TRPC4: variants seen among roughly 807,000 people sequenced by gnomAD.
TRPC4 encodes transient receptor potential cation channel subfamily C member 4, also known as short transient receptor potential channel 4.
In TRPC4, 49 loss-of-function variants were observed where a neutral mutation model predicts 99.4. The ratio of observed to expected loss-of-function variants is 0.49; its 90% CI spans 0.39 to 0.63. The LOEUF is 0.63. Ranked by LOEUF, TRPC4 falls within the 20% of genes least tolerant of loss-of-function variation. The pLI is 0.00. For synonymous variants in TRPC4, 454 were observed against 425.9 expected (o/e 1.07, Z -0.81); for missense variants, 898 against 1,152.9 (o/e 0.78, Z 3.20).
At chr13:37,776,192 T>G (rs1267056285) in intron 2 of TRPC4, among the ~76,000 whole-genome samples, 1 of 151,890 alleles carries the variant, frequency 6.6e-6, no homozygotes, top group Non-Finnish European at 1.5e-5. Context: ...TGTGGACTAA[T>G]AAGATTCAAT....
At chr13:37,757,980 A>G (rs1956136478) in intron 2 of TRPC4, among the ~76,000 whole-genome samples, 1 of 151,988 alleles carries the variant, frequency 6.6e-6, no homozygotes, top group South Asian at 2.1e-4. Flanking sequence ...CTTAGGTACA[A>G]CATAGATCTT....
Position 37,706,732 on chromosome 13 carries a change from G to C in TRPC4, c.898-14397C>G, listed in dbSNP as rs138698329. On this transcript the variant is annotated intron_variant, in intron 3 of 10. Transcript: ENST00000379705. The stretch of plus-strand genomic sequence containing the variant: ...CTATGAGTGAGAACATGCGGTGTTT[G>C]GTTTGTTTGTTCTTGCGATAGTTTG... 6.6e-5 allele frequency among the ~76,000 whole-genome samples: 10 copies of C among 150,648 alleles called. No homozygotes were observed. The East Asian group carries it at 1.4e-3, about 21-fold the overall frequency.
intron 1 of TRPC4, among the ~76,000 whole-genome samples, chr13:37,819,895 A>AG (rs1957966250): frequency 1.3e-5 from 2 of 151,936 alleles, no homozygotes; most frequent in Admixed American, 1.3e-4. Flanking sequence ...AACTAAAAAA[A>AG]CAAGGGCCAG....
chr13:37,696,253 C>T (rs898328517), intron 3 of TRPC4, among the ~76,000 whole-genome samples: 15 of 152,246 alleles, frequency 9.9e-5, no homozygotes, highest in Middle Eastern at 6.8e-3. Context: ...TATCTCCCAC[C>T]GGGTCTCTCC....
intron 1 of TRPC4, among the ~76,000 whole-genome samples, chr13:37,789,151 A>G (rs1957047208): frequency 6.6e-6 from 1 of 152,154 alleles, no homozygotes; most frequent in Non-Finnish European, 1.5e-5. Flanking sequence ...CAGGTAAAAC[A>G]CAAACTTATT....
At chr13:37,741,833 C>T (rs7322652) in intron 3 of TRPC4, among the ~76,000 whole-genome samples, 1 of 151,494 alleles carries the variant, frequency 6.6e-6, no homozygotes, top group South Asian at 2.1e-4. Flanking sequence ...ATGGTTAGAG[C>T]CAAGTTTTTG....
At chr13:37,837,543 A>C (rs1453300585) in intron 1 of TRPC4, among the ~76,000 whole-genome samples, 1 of 152,206 alleles carries the variant, frequency 6.6e-6, no homozygotes, top group Non-Finnish European at 1.5e-5. Context: ...TCAGACTTGC[A>C]TGGGGCCTGT....
chr13:37,823,535 T>C (rs1298761798), intron 1 of TRPC4, among the ~76,000 whole-genome samples: 1 of 151,764 alleles, frequency 6.6e-6, no homozygotes, highest in Non-Finnish European at 1.5e-5. Context: ...GGGAATCCTT[T>C]CCCCATTGCT....
intron 1 of TRPC4, among the ~76,000 whole-genome samples, chr13:37,794,839 T>C (rs932963348): frequency 6.6e-6 from 1 of 152,298 alleles, no homozygotes; most frequent in Non-Finnish European, 1.5e-5. Flanking sequence ...CATCAGTATA[T>C]ACCATGAGGT....
At chr13:37,655,007 C>A in intron 7 of TRPC4, 81 bp downstream of exon 7, 30 of 1,099,232 alleles carry the variant, frequency 2.7e-5, no homozygotes, top group Non-Finnish European at 3.6e-5. Flanking sequence ...ATTTTATTTA[C>A]GATGATAAGA....
intron 3 of TRPC4, among the ~76,000 whole-genome samples, chr13:37,722,520 T>G (rs968309073): frequency 6.6e-6 from 1 of 152,178 alleles, no homozygotes; most frequent in African/African-American, 2.4e-5. Flanking sequence ...GTCAGTCTTT[T>G]TAACATCACA....
chr13:37,725,368 T>C (rs758579542), intron 3 of TRPC4, among the ~76,000 whole-genome samples: 11 of 152,002 alleles, frequency 7.2e-5, no homozygotes, highest in Non-Finnish European at 1.6e-4. Flanking sequence ...AGCATGACTA[T>C]AAACATCTAA....
At chr13:37,843,114 G>A (rs1349712789) in intron 1 of TRPC4, among the ~76,000 whole-genome samples, 1 of 152,166 alleles carries the variant, frequency 6.6e-6, no homozygotes, top group Admixed American at 6.5e-5. Flanking sequence ...TGAAGTTTGG[G>A]TTGAATTTAT....
At chr13:37,762,521 G>T (rs577648465) in intron 2 of TRPC4, among the ~76,000 whole-genome samples, 1 of 151,474 alleles carries the variant, frequency 6.6e-6, no homozygotes, top group Admixed American at 6.6e-5. Context: ...TATACACCAT[G>T]GAATACTATG....
intron 5 of TRPC4, among the ~76,000 whole-genome samples, chr13:37,664,984 A>C (rs565964284): frequency 3.9e-5 from 6 of 152,328 alleles, no homozygotes; most frequent in Middle Eastern, 6.8e-3. Flanking sequence ...CTATCTTTAA[A>C]TCTTGATAAA....
At chr13:37,682,245 T>C (rs1332981268) in intron 4 of TRPC4, among the ~76,000 whole-genome samples, 1 of 152,154 alleles carries the variant, frequency 6.6e-6, no homozygotes, top group African/African-American at 2.4e-5. Context: ...GGCCTGACCT[T>C]GGAAGTCTCT....
intron 1 of TRPC4, among the ~76,000 whole-genome samples, chr13:37,814,207 C>T (rs547519630): frequency 5.3e-5 from 8 of 151,744 alleles, no homozygotes; most frequent in Non-Finnish European, 1.2e-4. Flanking sequence ...TAGGAAAACA[C>T]ACAGCTAAAA....
intron 2 of TRPC4, among the ~76,000 whole-genome samples, chr13:37,766,985 C>T (rs1470321308): frequency 1.3e-5 from 2 of 151,294 alleles, no homozygotes; most frequent in African/African-American, 4.8e-5. Flanking sequence ...AAGTAAATTT[C>T]AGAATATTAG....
At chr13:37,686,207 G>A (rs1409119528) in intron 4 of TRPC4, among the ~76,000 whole-genome samples, 1 of 151,958 alleles carries the variant, frequency 6.6e-6, no homozygotes, top group Non-Finnish European at 1.5e-5. Context: ...GAAGCCATTT[G>A]ATCTTAATGA....
Sources: gnomAD v4.1 joint callset for allele counts (sites outside exome capture counted in the v4.1 genomes callset) on GRCh38, gnomAD v4.1.1 for gene constraint, MANE v1.5 for transcripts, NCBI Gene and HGNC (gene_info 2026-07-23, HGNC 2026-07-21) for gene names.